GPC6: variants seen among roughly 807,000 people sequenced by gnomAD.
The protein encoded by GPC6 is glypican 6.
A neutral mutation model predicts 55.2 loss-of-function variants in GPC6; 14 were observed. That is an observed-to-expected ratio of 0.25 (90% confidence interval 0.17 to 0.40). The LOEUF (loss-of-function observed/expected upper bound fraction) is 0.40, where lower values mean the gene tolerates loss of function less well. GPC6 is among the 10% of genes least tolerant of loss of function. GPC6 has a pLI of 1.00. For missense variants in GPC6, 641 were observed against 708.5 expected, an observed-to-expected ratio of 0.90 and a Z score of 1.08; for synonymous variants, 278 against 259.6, an observed-to-expected ratio of 1.07 and a Z score of -0.68.
At chr13:93,564,113 A>C (rs929846928) in intron 2 of GPC6, among the ~76,000 whole-genome samples, 1 of 152,152 alleles carries the variant, frequency 6.6e-6, no homozygotes, top group Non-Finnish European at 1.5e-5. Context: ...ACTTTAACTC[A>C]TAAAGGAAAT....
chr13:94,031,952 T>A (rs773368378), intron 4 of GPC6, among the ~76,000 whole-genome samples: 41 of 152,186 alleles, frequency 2.7e-4, no homozygotes, highest in Non-Finnish European at 3.4e-4. Context: ...TCTGCAAACA[T>A]CTGGTACCTT....
At chr13:93,308,338 T>C (rs1878948796) in intron 1 of GPC6, among the ~76,000 whole-genome samples, 1 of 152,216 alleles carries the variant, frequency 6.6e-6, no homozygotes, top group Admixed American at 6.5e-5. Context: ...GCATAACTTA[T>C]AATTACATAT....
chr13:93,887,335 T>G (rs1875400563), intron 3 of GPC6, among the ~76,000 whole-genome samples: 1 of 152,056 alleles, frequency 6.6e-6, no homozygotes, highest in African/African-American at 2.4e-5. Flanking sequence ...TTGATTGTCA[T>G]GTAGCTTTGG....
intron 2 of GPC6, among the ~76,000 whole-genome samples, chr13:93,796,687 T>G (rs909787697): frequency 6.6e-6 from 1 of 152,196 alleles, no homozygotes; most frequent in African/African-American, 2.4e-5. Flanking sequence ...CATGAAGCTA[T>G]GACTTTAACC....
intron 6 of GPC6, among the ~76,000 whole-genome samples, chr13:94,351,754 A>T (rs971950472): frequency 7.2e-5 from 11 of 152,106 alleles, no homozygotes; most frequent in African/African-American, 2.7e-4. Flanking sequence ...TTAACTAGAC[A>T]TGAAACAGAA....
chr13:93,845,266 A>T (rs1179509877), intron 3 of GPC6, among the ~76,000 whole-genome samples: 2 of 151,596 alleles, frequency 1.3e-5, no homozygotes, highest in Non-Finnish European at 2.9e-5. Context: ...AGAAATGCAA[A>T]TCAAAACCAC....
At chr13:93,672,055 T>C (rs780885753) in intron 2 of GPC6, among the ~76,000 whole-genome samples, 85 of 151,942 alleles carry the variant, frequency 5.6e-4, no homozygotes, top group Middle Eastern at 6.8e-3. Context: ...AAATTCTAAA[T>C]ATATATTTTG....
intron 4 of GPC6, among the ~76,000 whole-genome samples, chr13:94,282,676 G>A (rs9524402): frequency 0.32 from 48,547 of 152,046 alleles, 8,163 homozygotes; most frequent in Non-Finnish European, 0.38. Context: ...TTGCTTATAT[G>A]TCTGGCACCT....
chr13:94,080,804 A>T (rs1003661998), intron 4 of GPC6, among the ~76,000 whole-genome samples: 2 of 152,162 alleles, frequency 1.3e-5, no homozygotes, highest in Non-Finnish European at 2.9e-5. Flanking sequence ...TCTAACCTTA[A>T]TTTCTTTCCC....
At chr13:94,024,102 GACACACAC>G (rs140178004) in intron 3 of GPC6, among the ~76,000 whole-genome samples, 12 of 144,298 alleles carry the variant, frequency 8.3e-5, no homozygotes, top group South Asian at 4.4e-4. Context: ...ACTGTGTATA[GACACACAC>G]ACACACACAC....
At chr13:93,226,729 A>T (rs1417452630), upstream of GPC6, 1 of 152,140 alleles carries the variant, frequency 6.6e-6, no homozygotes, top group Non-Finnish European at 1.5e-5. Flanking sequence ...CTAGGAAGAG[A>T]TCCAGTCCAG....
intron 3 of GPC6, among the ~76,000 whole-genome samples, chr13:93,985,567 C>A (rs1391553606): frequency 1.3e-5 from 2 of 151,196 alleles, no homozygotes; most frequent in African/African-American, 4.9e-5. Context: ...TGACACATAC[C>A]TATAGTCTCA....
At chr13:93,759,682 T>C (rs769858142) in intron 2 of GPC6, among the ~76,000 whole-genome samples, 2 of 152,188 alleles carry the variant, frequency 1.3e-5, no homozygotes, top group African/African-American at 2.4e-5. Flanking sequence ...AAATATCTTA[T>C]TTTCAGAATT....
At chr13:93,962,376 T>A (rs1879821104) in intron 3 of GPC6, among the ~76,000 whole-genome samples, 1 of 152,262 alleles carries the variant, frequency 6.6e-6, no homozygotes, top group Non-Finnish European at 1.5e-5. Flanking sequence ...TTGTGAAAGT[T>A]ACCCCAGATC....
intron 1 of GPC6, among the ~76,000 whole-genome samples, chr13:93,442,826 G>A (rs138268615): frequency 6.8e-6 from 1 of 146,020 alleles, no homozygotes; most frequent in African/African-American, 2.5e-5. Flanking sequence ...AAAAATCAGA[G>A]GGACATTCTC....
chr13:94,105,102 C>T (rs1253039731), intron 4 of GPC6, among the ~76,000 whole-genome samples: 2 of 152,004 alleles, frequency 1.3e-5, no homozygotes, highest in African/African-American at 4.8e-5. Context: ...AGCACATAAT[C>T]CCAGTACTGT....
intron 2 of GPC6, among the ~76,000 whole-genome samples, chr13:93,812,372 C>A (rs1387887413): frequency 6.7e-6 from 1 of 149,446 alleles, no homozygotes; most frequent in Non-Finnish European, 1.5e-5. Context: ...GGTGACAGAG[C>A]AAGACTCTGT....
At chr13:93,602,289 A>G (rs1878049104) in intron 2 of GPC6, among the ~76,000 whole-genome samples, 1 of 152,200 alleles carries the variant, frequency 6.6e-6, no homozygotes, top group African/African-American at 2.4e-5. Flanking sequence ...TTTCACAACC[A>G]ATACAAATAC....
At chr13:93,818,104 TATA>T (rs1219907406) in intron 2 of GPC6, among the ~76,000 whole-genome samples, 11 of 147,894 alleles carry the variant, frequency 7.4e-5, no homozygotes, top group Non-Finnish European at 1.2e-4. Flanking sequence ...ATATATTATA[TATA>T]ATAATTTATA....
Sources: gnomAD v4.1 joint callset for allele counts (sites outside exome capture counted in the v4.1 genomes callset) on GRCh38, gnomAD v4.1.1 for gene constraint, MANE v1.5 for transcripts, NCBI Gene and HGNC (gene_info 2026-07-23, HGNC 2026-07-21) for gene names.